The following MPRIP variants were observed in gnomAD, a reference collection of about 807,000 sequenced individuals.
MPRIP encodes the protein myosin phosphatase Rho-interacting protein.
Under a neutral mutation model 234.9 loss-of-function variants are expected in MPRIP, and 59 were observed. The observed-to-expected ratio is 0.25, with a 90% CI of 0.20 to 0.31. The LOEUF is 0.31. Among genes scored for constraint, MPRIP ranks in the 10% least tolerant of loss-of-function variants. The probability of loss-of-function intolerance (pLI) is 1.00; values close to 1 mark genes in which losing one functional copy is unlikely to be tolerated. For synonymous variants in MPRIP, 1,144 were observed against 1,263.9 expected (o/e 0.91, Z 2.01); for missense variants, 2,436 against 3,071.0 (o/e 0.79, Z 4.89).
chr17:17,082,663 G>T (rs747312509), intron 3 of MPRIP, among the ~76,000 whole-genome samples: 27 of 152,166 alleles, frequency 1.8e-4, no homozygotes, highest in Non-Finnish European at 2.5e-4. Context: ...TAAGTGTGCA[G>T]TTCAGTGGCA....
chr17:17,140,908 T>C (rs1323546316), intron 7 of MPRIP, among the ~76,000 whole-genome samples: 1 of 152,168 alleles, frequency 6.6e-6, no homozygotes, highest in African/African-American at 2.4e-5. Flanking sequence ...AGGCCCCGTT[T>C]TCTGTGCTGA....
chr17:17,164,477 T>C lies in MPRIP; in HGVS notation c.2886T>C (p.Ala962=). 8.2e-6 allele frequency: 10 copies of C among 1,219,882 alleles called. No homozygotes were observed. The highest frequency in any genetic ancestry group is 1.0e-5 in the Non-Finnish European group (10 of 954,682). 75.6% of individuals were successfully genotyped at this position (1,219,882 alleles called of 1,614,324 possible). A position where few individuals can be genotyped will look rare whatever the true frequency, so the allele number is the denominator to read the frequency against. ...CTAGCGAGCAGAAGCTCAAGAGTGCTGAGGCCCTGCTGCTGGAGAAGACGC... is the reference window on the plus strand; with the variant it reads ...CTAGCGAGCAGAAGCTCAAGAGTGCCGAGGCCCTGCTGCTGGAGAAGACGC... The part of the protein sequence containing the change: ...LRASEQKLKS[A]EALLLEKTQE... The change falls in exon 16 of 24, where the codon GCT becomes GCC. Residue 962 remains alanine, a synonymous_variant. Coordinates refer to ENST00000651222, the MANE Select transcript of MPRIP (RefSeq NM_001364716.4).
chr17:17,080,719 C>T (rs1281014836), intron 3 of MPRIP, among the ~76,000 whole-genome samples: 2 of 152,230 alleles, frequency 1.3e-5, no homozygotes, highest in Non-Finnish European at 2.9e-5. Flanking sequence ...AGAAACTGAG[C>T]AGTTTCGACA....
intron 3 of MPRIP, among the ~76,000 whole-genome samples, chr17:17,123,703 C>CAAAAAA (rs371753802): frequency 8.4e-5 from 5 of 59,238 alleles, no homozygotes; most frequent in African/African-American, 2.7e-4. Flanking sequence ...GACTTCGTCT[C>CAAAAAA]AAAAAAAAAA....
chr17:17,158,602 G>A lies in MPRIP; in HGVS notation c.2000G>A (p.Arg667His), dbSNP rs149009201. 62 of 1,605,706 alleles carry A rather than the reference G, an allele frequency of 3.9e-5. No individual in the cohort carries two copies. The highest frequency in any genetic ancestry group is 6.7e-5 in the East Asian group (3 of 44,682). ...AAGACCTTTGACTGGGCTGAGTTCC[G>A]TCCCATCCAGCAGGCCCTGGCTCAG... ...RSKTFDWAEF[R>H]PIQQALAQER... Residue 667 changes from arginine to histidine, a missense_variant, in exon 14 of 24, where the codon CGT becomes CAT. Transcript: ENST00000651222.
chr17:17,086,230 C>G (rs1192731151), intron 3 of MPRIP, among the ~76,000 whole-genome samples: 1 of 152,138 alleles, frequency 6.6e-6, no homozygotes, highest in Non-Finnish European at 1.5e-5. Flanking sequence ...GCTTTCAGGG[C>G]TGGCATGGCC....
chr17:17,107,464 C>T (rs558152531), intron 3 of MPRIP, among the ~76,000 whole-genome samples: 2 of 152,344 alleles, frequency 1.3e-5, no homozygotes, highest in East Asian at 3.9e-4. Flanking sequence ...CAAGACCTGT[C>T]CTTAGAAGGC....
At chr17:17,131,547 C>A in intron 4 of MPRIP, 70 bp from the exon 5 acceptor site, 1 of 1,379,772 alleles carries the variant, frequency 7.2e-7, no homozygotes, top group Non-Finnish European at 1.0e-6. Flanking sequence ...GACCACCCGG[C>A]AAGGGCCAGG....
chr17:17,177,643 A>G (rs2046285470), intron 22 of MPRIP, among the ~76,000 whole-genome samples: 1 of 152,178 alleles, frequency 6.6e-6, no homozygotes, highest in Non-Finnish European at 1.5e-5. Context: ...AACCCATAGT[A>G]TCAGCATAAT....
Position 17,042,703 on chromosome 17 carries a change from C to T in MPRIP, c.-146C>T. 1.1e-6 allele frequency: 1 copy of T among 897,658 alleles called. No individual in the cohort carries two copies. Among genetic ancestry groups the T allele is most frequent in the South Asian group, 5.0e-5 (1 of 19,806 alleles). 55.6% of individuals were successfully genotyped at this position (897,658 alleles called of 1,614,324 possible). ...AGGAGCCTCGGCGCGTGCAGCGAAC[C>T]GCCCGCCGGGAAGGAGGCCGGGCCG... On this transcript the variant is annotated 5_prime_UTR_variant, in exon 1 of 24. Coordinates refer to ENST00000651222, the MANE Select transcript of MPRIP (RefSeq NM_001364716.4).
chr17:17,180,649 G>T (rs758095974), intron 23 of MPRIP: 6 of 1,613,944 alleles, frequency 3.7e-6, no homozygotes, highest in Admixed American at 1.7e-5. Flanking sequence ...AAATGCACCC[G>T]CTTCCCGGCC....
chr17:17,104,406 C>A (rs141650693), intron 3 of MPRIP, among the ~76,000 whole-genome samples: 5 of 152,292 alleles, frequency 3.3e-5, no homozygotes, highest in African/African-American at 1.2e-4. Flanking sequence ...TCATTGTCCC[C>A]TTCCTGGTAG....
chr17:17,136,099 AGGCCCCT>A, intron 5 of MPRIP, 113 bp from the exon 6 acceptor site: 1 of 987,602 alleles, frequency 1.0e-6, no homozygotes, highest in Non-Finnish European at 1.6e-6. Context: ...TGAAGATTCC[AGGCCCCT>A]GACATTGTGT....
intron 1 of MPRIP, among the ~76,000 whole-genome samples, chr17:17,069,165 T>C (rs192599815): frequency 6.6e-6 from 1 of 152,366 alleles, no homozygotes; most frequent in African/African-American, 2.4e-5. Flanking sequence ...ATTGACCCTT[T>C]TATCATTATA....
At chr17:17,171,595 C>G in intron 16 of MPRIP, 123 bp from the exon 17 acceptor site, 1 of 1,285,014 alleles carries the variant, frequency 7.8e-7, no homozygotes, top group Non-Finnish European at 1.1e-6. Context: ...GTGGAGCAAG[C>G]TCAGTGAATG....
intron 1 of MPRIP, among the ~76,000 whole-genome samples, chr17:17,062,686 T>A (rs536171321): frequency 6.6e-6 from 1 of 152,248 alleles, no homozygotes; most frequent in Non-Finnish European, 1.5e-5. Flanking sequence ...GAGGGCATCT[T>A]GAATCCTTGT....
At chr17:17,096,636 T>C in intron 3 of MPRIP, 1 of 394,980 alleles carries the variant, frequency 2.5e-6, no homozygotes, top group Non-Finnish European at 5.3e-6. Context: ...AAGACCCTTG[T>C]TGTTGACTGG....
In MPRIP at chr17:17,054,365, G is replaced by A. The variant is rs552321781; in HGVS notation, c.123+11394G>A. Among the ~76,000 whole-genome samples the A allele has an allele frequency of 4.6e-5, 7 of 152,326 alleles. No homozygotes were observed. The East Asian group carries it at 1.2e-3, about 25-fold the overall frequency. On this transcript the variant is annotated intron_variant, in intron 1 of 23. Coordinates refer to ENST00000651222, the MANE Select transcript of MPRIP (RefSeq NM_001364716.4). Reference sequence around the variant, plus strand: ...ATTGTCATGTGTTTGTGTGATTATCGTAGACTTGATGACTTTTTAGTAGGC... The same window carrying A: ...ATTGTCATGTGTTTGTGTGATTATCATAGACTTGATGACTTTTTAGTAGGC...
chr17:17,128,749 TG>T (rs2090541475), intron 4 of MPRIP, among the ~76,000 whole-genome samples: 1 of 152,194 alleles, frequency 6.6e-6, no homozygotes, highest in African/African-American at 2.4e-5. Flanking sequence ...CAAGCTGGGA[TG>T]CTCAGCTGCG....
Sources: gnomAD v4.1 joint callset for allele counts (sites outside exome capture counted in the v4.1 genomes callset) on GRCh38, gnomAD v4.1.1 for gene constraint, MANE v1.5 for transcripts, NCBI Gene and HGNC (gene_info 2026-07-23, HGNC 2026-07-21) for gene names.